The following DUSP22 variants were observed in gnomAD, a reference collection of about 807,000 sequenced individuals.
DUSP22 encodes the protein dual specificity protein phosphatase 22.
A neutral mutation model predicts 24.5 loss-of-function variants in DUSP22; 24 were observed. That is an observed-to-expected ratio of 0.98 (90% CI 0.71 to 1.38). The LOEUF (loss-of-function observed/expected upper bound fraction) is 1.38. Ranked by LOEUF, DUSP22 falls within the 40% of genes most tolerant of loss-of-function variation. The probability of loss-of-function intolerance (pLI) is 0.00; values close to 1 mark genes in which losing one functional copy is unlikely to be tolerated. For synonymous variants in DUSP22, 160 were observed against 106.4 expected (o/e 1.50, Z -3.10); for missense variants, 330 against 269.2 (o/e 1.23, Z -1.58).
intron 1 of DUSP22, among the ~76,000 whole-genome samples, chr6:293,092 G>A (rs1389353122): frequency 6.6e-6 from 1 of 152,296 alleles, no homozygotes; most frequent in Non-Finnish European, 1.5e-5. Context: ...AGATAGTGGG[G>A]AGGAGAGAAA....
chr6:301,466 A>G (rs1237853506), intron 1 of DUSP22, among the ~76,000 whole-genome samples: 3 of 152,308 alleles, frequency 2.0e-5, no homozygotes, highest in South Asian at 2.1e-4. Context: ...ATTTAGTTCA[A>G]TGTTTGGCCT....
chr6:344,284 C>T (rs6925897), intron 4 of DUSP22, among the ~76,000 whole-genome samples: 493 of 151,668 alleles, frequency 3.3e-3, no homozygotes, highest in African/African-American at 0.011. Context: ...GAACTTAGTT[C>T]TATTATTTGT....
At chr6:334,314 A>G (rs1242556347) in intron 3 of DUSP22, among the ~76,000 whole-genome samples, 1 of 152,310 alleles carries the variant, frequency 6.6e-6, no homozygotes, top group Non-Finnish European at 1.5e-5. Context: ...TCTCTTACAA[A>G]GAGAATATCA....
chr6:308,750 C>A (rs1223530519), intron 2 of DUSP22, among the ~76,000 whole-genome samples: 2 of 152,302 alleles, frequency 1.3e-5, no homozygotes, highest in Non-Finnish European at 2.9e-5. Context: ...ACCATTGAAT[C>A]ATATACTTGA....
chr6:350,704 A>T lies in DUSP22; in HGVS notation c.*1753A>T. Reference sequence around the variant, plus strand: ...AAATAAATACGTTAACAGAAAAATGATTTAGGATATAGCTTGAATGCTTAA... The same window carrying T: ...AAATAAATACGTTAACAGAAAAATGTTTTAGGATATAGCTTGAATGCTTAA... On this transcript the variant is annotated 3_prime_UTR_variant, in exon 7 of 7. Transcript: ENST00000419235. The T allele has an allele frequency of 6.3e-7, 1 of 1,591,900 alleles. No individual in the cohort carries two copies. The highest frequency in any genetic ancestry group is 8.5e-7 in the Non-Finnish European group (1 of 1,170,236).
intron 4 of DUSP22, 95 bp downstream of exon 4, chr6:335,258 G>A (rs2127413612): frequency 6.7e-7 from 1 of 1,491,894 alleles, no homozygotes; most frequent in Non-Finnish European, 9.3e-7. Context: ...AGTTGTCAGA[G>A]CTCACGGGAC....
intron 3 of DUSP22, among the ~76,000 whole-genome samples, chr6:334,460 A>G (rs961893155): frequency 2.6e-4 from 40 of 152,372 alleles, no homozygotes; most frequent in Non-Finnish European, 4.7e-4. Context: ...ATTTACATAA[A>G]CCTTTTTCTG....
At chr6:342,908 C>T (rs1759675643) in intron 4 of DUSP22, among the ~76,000 whole-genome samples, 1 of 152,306 alleles carries the variant, frequency 6.6e-6, no homozygotes, top group South Asian at 2.1e-4. Flanking sequence ...CCATTATCTC[C>T]AGGCCAGCAG....
In DUSP22 at chr6:295,370, G is replaced by A. The variant is rs574290913; in HGVS notation, c.21+2810G>A. On this transcript the variant is annotated intron_variant, in intron 1 of 6. Transcript: ENST00000419235. ...GTGGCTCTTCTTGTCGGTCCGTTCC[G>A]GGCTCCTGTACGGCGGAATATTGTG... is the stretch of plus-strand genomic sequence containing the variant. Among the ~76,000 whole-genome samples the A allele has an allele frequency of 7.9e-5, 12 of 152,376 alleles. No homozygotes were observed. In the South Asian group the frequency reaches 1.9e-3, roughly 24 times the overall value.
At chr6:309,709 C>CACAT (rs1376624805) in intron 2 of DUSP22, among the ~76,000 whole-genome samples, 2 of 72,988 alleles carry the variant, frequency 2.7e-5, no homozygotes, top group African/African-American at 1.2e-4. Context: ...CACACACACA[C>CACAT]ACACACACAT....
chr6:340,994 G>A (rs1759580648), intron 4 of DUSP22, among the ~76,000 whole-genome samples: 1 of 152,130 alleles, frequency 6.6e-6, no homozygotes, highest in East Asian at 1.9e-4. Flanking sequence ...ACTGGCTCTT[G>A]GCCTTTGATG....
At chr6:325,498 G>A (rs1758819071) in intron 3 of DUSP22, 1 of 179,492 alleles carries the variant, frequency 5.6e-6, no homozygotes, top group Non-Finnish European at 1.1e-5. Flanking sequence ...ATCTGCTGGT[G>A]CCTGGAGAGT....
rs1757858225 is a variant in DUSP22 at position 307,366 on chromosome 6, C to G, written c.55+2705C>G. On this transcript the variant is annotated intron_variant, in intron 2 of 6. Coordinates refer to ENST00000419235, the MANE Select transcript of DUSP22 (RefSeq NM_001286555.3). ...CCTTCTCCTCTTCCCTCCTTCCTTTCAGTAGGATCCCTCGCCTGTCACTCT... is the reference window on the plus strand; with the variant it reads ...CCTTCTCCTCTTCCCTCCTTCCTTTGAGTAGGATCCCTCGCCTGTCACTCT... Among the ~76,000 whole-genome samples the G allele has an allele frequency of 2.0e-5, 3 of 152,264 alleles. No homozygotes were observed. In the South Asian group the frequency reaches 6.2e-4, roughly 31 times the overall value.
At chr6:292,679 G>T in intron 1 of DUSP22, 119 bp downstream of exon 1, 1 of 1,369,872 alleles carries the variant, frequency 7.3e-7, no homozygotes, top group East Asian at 2.9e-5. Flanking sequence ...GGGGACGGGC[G>T]CGGAGGGAGG....
At chr6:312,085 C>T in intron 3 of DUSP22, 123 bp downstream of exon 3, 5 of 1,074,680 alleles carry the variant, frequency 4.7e-6, no homozygotes, top group Non-Finnish European at 6.6e-6. Flanking sequence ...TCTCTGGCGG[C>T]ATTCCCATTG....
chr6:328,845 C>T (rs1235702624), intron 3 of DUSP22, among the ~76,000 whole-genome samples: 1 of 152,308 alleles, frequency 6.6e-6, no homozygotes, highest in Non-Finnish European at 1.5e-5. Flanking sequence ...GTCTTGTCTG[C>T]TGGACCTTGC....
At chr6:322,142 A>G (rs1274280272) in intron 3 of DUSP22, among the ~76,000 whole-genome samples, 1 of 152,248 alleles carries the variant, frequency 6.6e-6, no homozygotes, top group Non-Finnish European at 1.5e-5. Flanking sequence ...ATACATATCT[A>G]CATAGTGTAT....
At chr6:336,162 G>T (rs139470323) in intron 4 of DUSP22, among the ~76,000 whole-genome samples, 3 of 152,416 alleles carry the variant, frequency 2.0e-5, no homozygotes, top group Admixed American at 1.3e-4. Flanking sequence ...AAAGGCTGGG[G>T]CTGGAAGTAA....
chr6:340,287 A>T (rs780058196), intron 4 of DUSP22, among the ~76,000 whole-genome samples: 160 of 152,368 alleles, frequency 1.1e-3, no homozygotes, highest in Middle Eastern at 3.4e-3. Flanking sequence ...CTGTGTGCTG[A>T]TAGGGCAGCT....
Sources: gnomAD v4.1 joint callset for allele counts (sites outside exome capture counted in the v4.1 genomes callset) on GRCh38, gnomAD v4.1.1 for gene constraint, MANE v1.5 for transcripts, NCBI Gene and HGNC (gene_info 2026-07-23, HGNC 2026-07-21) for gene names.